The following AKAP13 variants were observed in gnomAD, a reference collection of about 807,000 sequenced individuals.
The protein encoded by AKAP13 is A-kinase anchor protein 13.
AKAP13 carries 80 observed loss-of-function variants against 264.5 expected under a neutral mutation model. The observed-to-expected ratio is 0.30, with a 90% CI of 0.25 to 0.36. The LOEUF is 0.36. AKAP13 is among the 10% of genes least tolerant of loss of function. AKAP13 has a pLI of 1.00. For missense variants in AKAP13, 3,712 were observed against 3,435.2 expected, an observed-to-expected ratio of 1.08 and a Z score of -2.01; for synonymous variants, 1,380 against 1,250.2, an observed-to-expected ratio of 1.10 and a Z score of -2.19.
At chr15:85,570,788 C>T (rs1596562795) in intron 5 of AKAP13, among the ~76,000 whole-genome samples, 3 of 152,028 alleles carry the variant, frequency 2.0e-5, no homozygotes, top group Non-Finnish European at 4.4e-5. Flanking sequence ...GGATTCCTAC[C>T]GCTGGAGTGG....
At position 85,489,074 on chromosome 15, in the gene AKAP13, T is replaced by C. The variant is rs374475386; in HGVS notation, c.33+3321T>C. On this transcript the variant is annotated intron_variant, in intron 2 of 36. Coordinates refer to ENST00000394518, the MANE Select transcript of AKAP13 (RefSeq NM_007200.5). Reference sequence around the variant, plus strand: ...GAGTTAGTAAATACTTTAGCTAATATATGCTTCAACCTCTCCCTTTTAGAC... The same window carrying C: ...GAGTTAGTAAATACTTTAGCTAATACATGCTTCAACCTCTCCCTTTTAGAC... 7.9e-5 allele frequency among the ~76,000 whole-genome samples: 12 copies of C among 152,364 alleles called. No individual in the cohort carries two copies. The East Asian group carries it at 1.7e-3, about 22-fold the overall frequency.
intron 1 of AKAP13, among the ~76,000 whole-genome samples, chr15:85,480,622 G>C (rs955798742): frequency 6.6e-6 from 1 of 151,790 alleles, no homozygotes; most frequent in African/African-American, 2.4e-5. Context: ...TGGTGGGGGT[G>C]GGGGGGTTAA....
chr15:85,429,539 C>T (rs2072937792), intron 1 of AKAP13, among the ~76,000 whole-genome samples: 1 of 152,164 alleles, frequency 6.6e-6, no homozygotes, highest in Admixed American at 6.5e-5. Flanking sequence ...TCCCTCTGGC[C>T]TTCAGGAAAT....
At chr15:85,485,780 A>G (rs189872087) in intron 2 of AKAP13, 27 bp downstream of exon 2, 190 of 1,608,434 alleles carry the variant, frequency 1.2e-4, no homozygotes, top group Middle Eastern at 3.3e-4. Context: ...ATTTCTTATT[A>G]TTTTGTGTTT....
chr15:85,423,274 T>C (rs775176482), intron 1 of AKAP13, among the ~76,000 whole-genome samples: 1 of 152,234 alleles, frequency 6.6e-6, no homozygotes, highest in Non-Finnish European at 1.5e-5. Context: ...GTGATGCTGT[T>C]GGATAGCATT....
chr15:85,503,486 C>T (rs1167624977), intron 2 of AKAP13, among the ~76,000 whole-genome samples: 1 of 152,196 alleles, frequency 6.6e-6, no homozygotes, highest in Non-Finnish European at 1.5e-5. Context: ...CTTTGAATGT[C>T]TCTTTTCCAT....
intron 8 of AKAP13, among the ~76,000 whole-genome samples, chr15:85,633,535 C>CTTTTTTTTTTTTTTTTTTTTTTTTTTT (rs56687591): frequency 2.0e-5 from 2 of 97,738 alleles, no homozygotes; most frequent in Non-Finnish European, 4.3e-5. Context: ...CTTTTTTTTT[C>CTTTTTTTTTTTTTTTTTTTTTTTTTTT]TTTTTTTTTT....
chr15:85,586,294 G>T (rs1023522812), intron 8 of AKAP13, among the ~76,000 whole-genome samples: 1 of 151,758 alleles, frequency 6.6e-6, no homozygotes, highest in East Asian at 1.9e-4. Context: ...GGGTGAAAGC[G>T]ATTCTCCTGC....
chr15:85,399,189 AAC>A (rs1224268622), intron 1 of AKAP13, among the ~76,000 whole-genome samples: 1 of 152,148 alleles, frequency 6.6e-6, no homozygotes, highest in Admixed American at 6.5e-5. Flanking sequence ...ACTTTTAGAA[AAC>A]ACGTTTTTAA....
At chr15:85,555,030 C>G (rs2078092959) in intron 5 of AKAP13, among the ~76,000 whole-genome samples, 1 of 151,034 alleles carries the variant, frequency 6.6e-6, no homozygotes, top group Non-Finnish European at 1.5e-5. Context: ...TATGTTCCCT[C>G]CCCCCCAAAA....
intron 11 of AKAP13, 146 bp downstream of exon 11, chr15:85,655,933 T>G: frequency 7.5e-7 from 1 of 1,326,252 alleles, no homozygotes; most frequent in South Asian, 1.9e-5. Context: ...AAAATCTGTG[T>G]TCAGACCCCA....
intron 1 of AKAP13, among the ~76,000 whole-genome samples, chr15:85,387,210 C>T (rs1430964017): frequency 6.6e-6 from 1 of 151,982 alleles, no homozygotes; most frequent in African/African-American, 2.4e-5. Flanking sequence ...GTGGTGGGCG[C>T]CTGTAATCCC....
chr15:85,653,097 G>C (rs920174091), intron 10 of AKAP13, among the ~76,000 whole-genome samples: 2 of 152,144 alleles, frequency 1.3e-5, no homozygotes, highest in Admixed American at 6.5e-5. Context: ...CCCGTGAATA[G>C]GACCCCTTTA....
At chr15:85,388,729 C>T (rs2070710434) in intron 1 of AKAP13, among the ~76,000 whole-genome samples, 1 of 152,088 alleles carries the variant, frequency 6.6e-6, no homozygotes, top group Admixed American at 6.5e-5. Flanking sequence ...CTTTGGGTTC[C>T]ATTTGCTACT....
rs567499585 is a variant in AKAP13 at position 85,556,238 on chromosome 15, T to C, written c.662+12283T>C. ...AAAAGTAAATAATAAACCAACAACA[T>C]AGTCATTTTATTATCGCTATCAAAT... is the stretch of plus-strand genomic sequence containing the variant. On this transcript the variant is annotated intron_variant, in intron 5 of 36. Coordinates refer to ENST00000394518, the MANE Select transcript of AKAP13 (RefSeq NM_007200.5). Among the ~76,000 whole-genome samples, 4 of 152,360 alleles carry C rather than the reference T, an allele frequency of 2.6e-5. No homozygotes were observed. In the East Asian group the frequency reaches 7.7e-4, roughly 29 times the overall value.
chr15:85,618,271 C>T lies in AKAP13; in HGVS notation c.4162-21103C>T, dbSNP rs865790871. 2.6e-4 allele frequency among the ~76,000 whole-genome samples: 39 copies of T among 152,184 alleles called. No homozygotes were observed. The South Asian group carries it at 3.9e-3, about 15-fold the overall frequency. ...CTCATCTATACCCTTTTTCTATATC[C>T]GTTTTTTAGCTCCTGAAAAACCTTT... On this transcript the variant is annotated intron_variant, in intron 8 of 36. Coordinates refer to ENST00000394518, the MANE Select transcript of AKAP13 (RefSeq NM_007200.5).
At chr15:85,742,614 A>G (rs1336343880) in intron 35 of AKAP13, among the ~76,000 whole-genome samples, 1 of 152,150 alleles carries the variant, frequency 6.6e-6, no homozygotes, top group East Asian at 1.9e-4. Flanking sequence ...CTCTTTCTCT[A>G]TAGCTGCTGC....
rs573683135 is a variant in AKAP13, at chr15:85,729,057, T to C, written c.7088-1456T>C. On this transcript the variant is annotated intron_variant, in intron 29 of 36. Coordinates refer to ENST00000394518, the MANE Select transcript of AKAP13 (RefSeq NM_007200.5). ...GGCTCATGCCTGTAATCCCAGCACT[T>C]TGGGAGGCCACGGCGGGCGGATCAC... 1.4e-4 allele frequency among the ~76,000 whole-genome samples: 22 copies of C among 152,024 alleles called. No individual in the cohort carries two copies. In the East Asian group the frequency reaches 4.1e-3, roughly 28 times the overall value.
chr15:85,707,898 C>G, intron 17 of AKAP13, 121 bp from the exon 18 acceptor site: 1 of 902,068 alleles, frequency 1.1e-6, no homozygotes, highest in East Asian at 2.5e-5. Flanking sequence ...ATTTCAGTCA[C>G]ATTCTCACAT....
Sources: gnomAD v4.1 joint callset for allele counts (sites outside exome capture counted in the v4.1 genomes callset) on GRCh38, gnomAD v4.1.1 for gene constraint, MANE v1.5 for transcripts, NCBI Gene and HGNC (gene_info 2026-07-23, HGNC 2026-07-21) for gene names.